The following GBF1 variants were observed in gnomAD, a reference collection of about 807,000 sequenced individuals.
GBF1 encodes the protein Golgi-specific brefeldin A-resistance guanine nucleotide exchange factor 1.
GBF1 carries 114 observed loss-of-function variants against 210.5 expected under a neutral mutation model. That is an observed-to-expected ratio of 0.54 (90% CI 0.47 to 0.63). GBF1 has a LOEUF of 0.63. Ranked by LOEUF, GBF1 falls within the 30% of genes least tolerant of loss-of-function variation. The pLI, the probability that GBF1 is intolerant of heterozygous loss-of-function variation, is 0.00. For missense variants in GBF1, 1,851 were observed against 2,357.7 expected (o/e 0.79, Z 4.45); for synonymous variants, 850 against 889.2 (o/e 0.96, Z 0.78).
At chr10:102,316,752 T>C (rs2134075449) in intron 3 of GBF1, among the ~76,000 whole-genome samples, 1 of 152,288 alleles carries the variant, frequency 6.6e-6, no homozygotes, top group Middle Eastern at 3.4e-3. Context: ...TTGGCTGTGG[T>C]CATAAAAGCT....
At chr10:102,313,609 C>T (rs539764643) in intron 3 of GBF1, among the ~76,000 whole-genome samples, 4 of 152,278 alleles carry the variant, frequency 2.6e-5, no homozygotes, top group Non-Finnish European at 4.4e-5. Flanking sequence ...GATTTCTTGT[C>T]GGCCTGAGCT....
chr10:102,367,050 G>A, intron 19 of GBF1, 35 bp from the exon 20 acceptor site: 1 of 1,611,930 alleles, frequency 6.2e-7, no homozygotes, highest in Non-Finnish European at 8.5e-7. Flanking sequence ...GGCCAGAGAA[G>A]GGCATTGACA....
chr10:102,347,008 T>C (rs2134666253), intron 4 of GBF1, among the ~76,000 whole-genome samples: 1 of 152,368 alleles, frequency 6.6e-6, no homozygotes, highest in South Asian at 2.1e-4. Flanking sequence ...GTAGTTTATC[T>C]CTAAATTTCT....
chr10:102,282,134 A>G (rs2075557675), intron 3 of GBF1, among the ~76,000 whole-genome samples: 1 of 148,868 alleles, frequency 6.7e-6, no homozygotes, highest in Admixed American at 6.7e-5. Context: ...ATGGGGTTTC[A>G]CCGTGTTAGC....
At chr10:102,246,742 A>G (rs1178612352) in intron 1 of GBF1, among the ~76,000 whole-genome samples, 1 of 152,216 alleles carries the variant, frequency 6.6e-6, no homozygotes, top group Non-Finnish European at 1.5e-5. Context: ...TGTGTTGTAA[A>G]GCTATAAAAG....
chr10:102,245,195 G>T (rs1277123345), upstream of GBF1, among the ~76,000 whole-genome samples: 1 of 152,148 alleles, frequency 6.6e-6, no homozygotes, highest in East Asian at 1.9e-4. Flanking sequence ...CCAGCCAATT[G>T]TAGCCTTTTT....
intron 3 of GBF1, among the ~76,000 whole-genome samples, chr10:102,287,344 C>CTTTTTT (rs763880492): frequency 5.8e-4 from 40 of 69,522 alleles, no homozygotes; most frequent in African/African-American, 2.2e-3. Context: ...ATTTTATTTT[C>CTTTTTT]TTTTTTTTTT....
chr10:102,261,617 T>C (rs1187021279), intron 3 of GBF1, among the ~76,000 whole-genome samples: 1 of 18,956 alleles, frequency 5.3e-5, no homozygotes, highest in Non-Finnish European at 1.0e-4. Flanking sequence ...CTTTCTTTCT[T>C]TTTTTTTTTT....
At chr10:102,257,421 G>A (rs144634337) in intron 1 of GBF1, among the ~76,000 whole-genome samples, 1,565 of 152,180 alleles carry the variant, frequency 0.01, 23 homozygotes, top group African/African-American at 0.036. Context: ...TGATCCTCCC[G>A]CCTCAGCCTC....
Position 102,351,312 on chromosome 10 carries a change from C to T in GBF1, c.352C>T (p.His118Tyr), listed in dbSNP as rs1243761951. The change falls in exon 5 of 40, where the codon CAT becomes TAT. Residue 118 changes from histidine to tyrosine, a missense_variant. His to Tyr is a moderately conservative substitution (Grantham distance 83, BLOSUM62 2). Coordinates refer to ENST00000369983, the MANE Select transcript of GBF1 (RefSeq NM_001377137.1). ...GGAGAACATGGCAGATGCTGTCACC[C>T]ATGCTCGTTTTGTGGGCACGGATCC... The part of the protein sequence containing the change: ...GMENMADAVT[H>Y]ARFVGTDPAS... The T allele has an allele frequency of 1.2e-6, 2 of 1,612,464 alleles. No homozygotes were observed. Among genetic ancestry groups the T allele is most frequent in the Admixed American group, 3.3e-5 (2 of 60,020 alleles).
At chr10:102,281,836 A>G (rs2075513239) in intron 3 of GBF1, among the ~76,000 whole-genome samples, 2 of 151,796 alleles carry the variant, frequency 1.3e-5, no homozygotes, top group East Asian at 1.9e-4. Context: ...TCCATCTAGG[A>G]TACCACATTA....
chr10:102,251,385 C>T (rs1396644534), intron 1 of GBF1, among the ~76,000 whole-genome samples: 1 of 151,942 alleles, frequency 6.6e-6, no homozygotes, highest in Non-Finnish European at 1.5e-5. Flanking sequence ...GATGTTATTT[C>T]ATTTGTTCAT....
At chr10:102,344,746 C>T (rs2058423762) in intron 4 of GBF1, among the ~76,000 whole-genome samples, 1 of 152,098 alleles carries the variant, frequency 6.6e-6, no homozygotes, top group Non-Finnish European at 1.5e-5. Flanking sequence ...TCCCAAAGTG[C>T]TGGGATTACA....
At chr10:102,252,890 T>G (rs1415950280) in intron 1 of GBF1, among the ~76,000 whole-genome samples, 2 of 152,060 alleles carry the variant, frequency 1.3e-5, no homozygotes, top group Non-Finnish European at 2.9e-5. Flanking sequence ...GTCTTTTATT[T>G]TATTTTATTA....
At chr10:102,259,874 G>C (rs570334237) in intron 2 of GBF1, among the ~76,000 whole-genome samples, 176 bp from the exon 3 acceptor site, 1 of 152,112 alleles carries the variant, frequency 6.6e-6, no homozygotes, top group Admixed American at 6.6e-5. Context: ...GTATCTCTAC[G>C]AAATAAGAGA....
At chr10:102,293,723 A>G (rs945466907) in intron 3 of GBF1, among the ~76,000 whole-genome samples, 3 of 150,688 alleles carry the variant, frequency 2.0e-5, no homozygotes, top group South Asian at 2.1e-4. Context: ...GAAACCTTAT[A>G]TAATAAAGAT....
chr10:102,358,535 C>A lies in GBF1; in HGVS notation c.817C>A (p.Pro273Thr), dbSNP rs541437770. Reference sequence around the variant, plus strand: ...CATGCCCTTCATTGATGTGCCCACTCCCATCTCCTCTGCAAGTTCAGAAGC... The same window carrying A: ...CATGCCCTTCATTGATGTGCCCACTACCATCTCCTCTGCAAGTTCAGAAGC... ...GGMPFIDVPTPISSASSEAAS... is the reference protein window; with the variant it reads ...GGMPFIDVPTTISSASSEAAS... The change falls in exon 10 of 40, where the codon CCC (proline) becomes ACC (threonine). Residue 273 changes from proline (P) to threonine (T), a missense_variant. Transcript: ENST00000369983. 7.3e-5 allele frequency: 117 copies of A among 1,613,756 alleles called. 2 individuals are homozygous for A. In the South Asian group the frequency reaches 1.1e-3, roughly 16 times the overall value.
chr10:102,303,270 G>A (rs1344509471), intron 3 of GBF1, among the ~76,000 whole-genome samples: 7 of 152,174 alleles, frequency 4.6e-5, no homozygotes, highest in African/African-American at 1.7e-4. Flanking sequence ...TTACAGGCGT[G>A]AGCCACCATG....
At chr10:102,233,861 C>T in the GBF1 span, among the ~76,000 whole-genome samples, 1 of 152,186 alleles carries the variant, frequency 6.6e-6, no homozygotes, top group Non-Finnish European at 1.5e-5. Flanking sequence ...CCAGGAGCCT[C>T]CCAGGGTCCT....
Sources: gnomAD v4.1 joint callset for allele counts (sites outside exome capture counted in the v4.1 genomes callset) on GRCh38, gnomAD v4.1.1 for gene constraint, MANE v1.5 for transcripts, NCBI Gene and HGNC (gene_info 2026-07-23, HGNC 2026-07-21) for gene names.